Variants in DGKI observed in about 807,000 individuals in gnomAD.
The protein encoded by DGKI is diacylglycerol kinase iota, also known as DAG kinase iota.
DGKI carries 55 observed loss-of-function variants against 147.5 expected under a neutral mutation model. That is an observed-to-expected ratio of 0.37 (90% CI 0.30 to 0.47). The LOEUF is 0.47. Ranked by LOEUF, DGKI falls within the 20% of genes least tolerant of loss-of-function variation. DGKI has a pLI of 1.00. For synonymous variants in DGKI, 469 were observed against 477.1 expected, an observed-to-expected ratio of 0.98 and a Z score of 0.22; for missense variants, 1,007 against 1,323.8, an observed-to-expected ratio of 0.76 and a Z score of 3.71.
intron 2 of DGKI, among the ~76,000 whole-genome samples, chr7:137,686,058 A>C (rs1240885736): frequency 1.3e-5 from 2 of 152,176 alleles, no homozygotes; most frequent in African/African-American, 4.8e-5. Context: ...CACTGTGAAG[A>C]GAAAACAAGC....
chr7:137,522,023 T>C (rs1204233089), intron 20 of DGKI, 57 bp from the exon 21 acceptor site: 20 of 1,310,438 alleles, frequency 1.5e-5, no homozygotes, highest in Admixed American at 3.7e-5. Context: ...TTGGTAGCCA[T>C]GCACCTGAAG....
At chr7:137,619,295 T>A (rs74731312) in intron 8 of DGKI, among the ~76,000 whole-genome samples, 1 of 152,168 alleles carries the variant, frequency 6.6e-6, no homozygotes, top group African/African-American at 2.4e-5. Context: ...AGATTAGATA[T>A]TAAGAGAATA....
intron 20 of DGKI, among the ~76,000 whole-genome samples, chr7:137,550,542 C>T (rs1294980147): frequency 1.3e-5 from 2 of 152,064 alleles, no homozygotes; most frequent in South Asian, 2.1e-4. Flanking sequence ...ACAAAAAATG[C>T]CATCATATAT....
intron 1 of DGKI, among the ~76,000 whole-genome samples, chr7:137,739,779 C>A (rs965630289): frequency 1.2e-5 from 1 of 84,154 alleles, no homozygotes; most frequent in Non-Finnish European, 2.8e-5. Context: ...TGTTTTTGGT[C>A]CCTGTTTTTC....
chr7:137,768,068 A>C (rs898502634), intron 1 of DGKI, among the ~76,000 whole-genome samples: 32 of 152,210 alleles, frequency 2.1e-4, no homozygotes, highest in African/African-American at 7.7e-4. Flanking sequence ...CTAACCAAGA[A>C]CTTTGATCTA....
At chr7:137,794,551 A>T (rs1023815409) in intron 1 of DGKI, among the ~76,000 whole-genome samples, 2 of 152,244 alleles carry the variant, frequency 1.3e-5, no homozygotes, top group African/African-American at 4.8e-5. Context: ...TGAAATGAAG[A>T]TTCTAACTTA....
At chr7:137,784,000 T>A (rs1796595037) in intron 1 of DGKI, among the ~76,000 whole-genome samples, 1 of 152,100 alleles carries the variant, frequency 6.6e-6, no homozygotes, top group East Asian at 1.9e-4. Flanking sequence ...AAACAAATCC[T>A]CAAAATAGAA....
intron 21 of DGKI, among the ~76,000 whole-genome samples, chr7:137,514,409 C>A (rs1375132297): frequency 6.6e-6 from 1 of 152,074 alleles, no homozygotes; most frequent in African/African-American, 2.4e-5. Context: ...GTGAGGCTAC[C>A]ACTAACTACC....
chr7:137,811,989 A>C (rs1052384981), intron 1 of DGKI, among the ~76,000 whole-genome samples: 5 of 152,220 alleles, frequency 3.3e-5, no homozygotes, highest in African/African-American at 1.2e-4. Context: ...TCTCCCTCAC[A>C]ACAACCTGTG....
At chr7:137,685,579 T>C (rs942717852) in intron 2 of DGKI, among the ~76,000 whole-genome samples, 1 of 152,228 alleles carries the variant, frequency 6.6e-6, no homozygotes, top group East Asian at 1.9e-4. Flanking sequence ...AACTGGGAAC[T>C]TGGAATCCAT....
At chr7:137,409,876 C>T (rs1414446256) in intron 29 of DGKI, among the ~76,000 whole-genome samples, 18 of 151,794 alleles carry the variant, frequency 1.2e-4, no homozygotes, top group Non-Finnish European at 4.4e-5. Context: ...CTCTATCTCT[C>T]GCTCTCTTTG....
chr7:137,575,165 T>C (rs1818927450), intron 17 of DGKI, among the ~76,000 whole-genome samples: 1 of 152,238 alleles, frequency 6.6e-6, no homozygotes, highest in Non-Finnish European at 1.5e-5. Context: ...CCCAAAGTCA[T>C]ATACCTAGCA....
At chr7:137,506,453 G>A (rs932554091) in intron 21 of DGKI, among the ~76,000 whole-genome samples, 2 of 152,154 alleles carry the variant, frequency 1.3e-5, no homozygotes, top group Admixed American at 6.6e-5. Context: ...CTTGGGAGAG[G>A]AAGGGAGAAA....
At chr7:137,583,843 T>A (rs1379155094) in intron 14 of DGKI, among the ~76,000 whole-genome samples, 1 of 152,134 alleles carries the variant, frequency 6.6e-6, no homozygotes, top group African/African-American at 2.4e-5. Context: ...ATGACACTTG[T>A]TGTTTAAACA....
chr7:137,619,842 A>G lies in DGKI; in HGVS notation c.975T>C (p.Ile325=). 2 of 1,613,820 alleles carry G rather than the reference A, an allele frequency of 1.2e-6. No individual in the cohort carries two copies. Among genetic ancestry groups the G allele is most frequent in the Non-Finnish European group, 1.7e-6 (2 of 1,179,856 alleles). The change falls in exon 8 of 33, where the codon ATT becomes ATC. Residue 325 remains isoleucine, a synonymous_variant. Transcript: ENST00000614521. ...AAVIVPPTWI[I]KVKKPQNSLK... is the part of the protein sequence containing the mutation. The stretch of plus-strand genomic sequence containing the variant: ...CAGTTACCTGAGGTTTCTTCACCTT[A>G]ATGATCCAAGTGGGCGGGACAATAA...
At chr7:137,425,429 TA>T (rs1812758431) in intron 28 of DGKI, among the ~76,000 whole-genome samples, 1 of 151,976 alleles carries the variant, frequency 6.6e-6, no homozygotes, top group African/African-American at 2.4e-5. Flanking sequence ...CAAAAGTACA[TA>T]AAACCACAAA....
At chr7:137,703,092 G>A (rs1313697719) in intron 1 of DGKI, among the ~76,000 whole-genome samples, 2 of 152,150 alleles carry the variant, frequency 1.3e-5, no homozygotes, top group African/African-American at 2.4e-5. Flanking sequence ...TGAAAAAAAA[G>A]AGGTTTAATT....
rs148061829 is a variant in DGKI, at chr7:137,497,463, T to A, written c.2249-9774A>T. ...GGGTATATACCTAAAGGAACATAAA[T>A]CACTCTAACATAAAGACACATGCAC... On this transcript the variant is annotated intron_variant, in intron 21 of 32. Transcript: ENST00000614521. 1.4e-4 allele frequency among the ~76,000 whole-genome samples: 22 copies of A among 152,118 alleles called. No homozygotes were observed. The East Asian group carries it at 3.9e-3, about 27-fold the overall frequency.
chr7:137,522,305 G>A (rs1816989414), intron 20 of DGKI, among the ~76,000 whole-genome samples: 4 of 152,056 alleles, frequency 2.6e-5, no homozygotes, highest in Admixed American at 2.6e-4. Context: ...GAAATAGTGG[G>A]AGGTGGAGTG....
Sources: gnomAD v4.1 joint callset for allele counts (sites outside exome capture counted in the v4.1 genomes callset) on GRCh38, gnomAD v4.1.1 for gene constraint, MANE v1.5 for transcripts, NCBI Gene and HGNC (gene_info 2026-07-23, HGNC 2026-07-21) for gene names.